THSD7A: variants seen among roughly 807,000 people sequenced by gnomAD.
THSD7A encodes the protein thrombospondin type-1 domain-containing protein 7A.
In THSD7A, 96 loss-of-function variants were observed where a neutral mutation model predicts 231.3. The observed-to-expected ratio is 0.41, with a 90% CI of 0.35 to 0.49. The LOEUF (loss-of-function observed/expected upper bound fraction) is 0.49. Among genes scored for constraint, THSD7A ranks in the 20% least tolerant of loss-of-function variants. THSD7A has a pLI of 0.05. For missense variants in THSD7A, 2,290 were observed against 2,070.2 expected (o/e 1.11, Z -2.06); for synonymous variants, 940 against 743.3 (o/e 1.26, Z -4.30).
At chr7:11,568,490 T>TG (rs976387745) in intron 4 of THSD7A, among the ~76,000 whole-genome samples, 31 of 151,680 alleles carry the variant, frequency 2.0e-4, no homozygotes, top group African/African-American at 7.5e-4. Flanking sequence ...CCAGGTGTGG[T>TG]GGCAGGTGCC....
chr7:11,726,896 C>T (rs1781565926), intron 1 of THSD7A, among the ~76,000 whole-genome samples: 1 of 151,858 alleles, frequency 6.6e-6, no homozygotes, highest in African/African-American at 2.4e-5. Context: ...AAGAATAATT[C>T]CTCAGGTCCT....
intron 1 of THSD7A, among the ~76,000 whole-genome samples, chr7:11,753,165 G>GA (rs1286876435): frequency 1.3e-5 from 2 of 152,082 alleles, no homozygotes; most frequent in South Asian, 2.1e-4. Context: ...TTCAATTACA[G>GA]AAAAAATTAA....
chr7:11,825,073 T>C (rs1378618161), intron 1 of THSD7A, among the ~76,000 whole-genome samples: 6 of 152,122 alleles, frequency 3.9e-5, no homozygotes, highest in Non-Finnish European at 5.9e-5. Context: ...TTTTTGTCTT[T>C]CATGCTGTCC....
chr7:11,790,352 G>A (rs1410756242), intron 1 of THSD7A, among the ~76,000 whole-genome samples: 1 of 151,896 alleles, frequency 6.6e-6, no homozygotes, highest in African/African-American at 2.4e-5. Context: ...AAATGAATAT[G>A]AGCAATTGTA....
chr7:11,375,727 G>T lies in THSD7A; in HGVS notation c.*67C>A, dbSNP rs1782242530. 4 of 1,279,760 alleles carry T rather than the reference G, an allele frequency of 3.1e-6. No individual in the cohort carries two copies. The highest frequency in any genetic ancestry group is 1.5e-5 in the African/African-American group (1 of 67,180). The allele number at this position is 1,279,760 out of a possible 1,614,324, so 79.3% of individuals were successfully genotyped here. On this transcript the variant is annotated 3_prime_UTR_variant, in exon 28 of 28. Coordinates refer to ENST00000423059, the MANE Select transcript of THSD7A (RefSeq NM_015204.3). ...TAATCCACACAGTTTGGATACATTT[G>T]TTGTGGCCTCTGGACATCTATGAAG...
chr7:11,680,282 T>C (rs531347843), intron 1 of THSD7A, among the ~76,000 whole-genome samples: 1 of 152,222 alleles, frequency 6.6e-6, no homozygotes, highest in African/African-American at 2.4e-5. Context: ...ATTCAGTACA[T>C]AGGCATGGGC....
intron 1 of THSD7A, among the ~76,000 whole-genome samples, chr7:11,705,935 T>C (rs1394336096): frequency 1.3e-5 from 2 of 150,942 alleles, no homozygotes; most frequent in African/African-American, 4.8e-5. Flanking sequence ...GCATATAATA[T>C]GTTATAACAA....
chr7:11,546,197 C>CGCGTGTGTGT (rs1554335266), intron 4 of THSD7A, among the ~76,000 whole-genome samples: 8 of 78,422 alleles, frequency 1.0e-4, no homozygotes, highest in African/African-American at 5.5e-4. Flanking sequence ...CTGGTGTGGG[C>CGCGTGTGTGT]GCGCGCTCAC....
rs1019386994 is a variant in THSD7A, at chr7:11,428,929, G to A, written c.3243+18C>T. ...TGAATCTCAACAATATCTTAACACT[G>A]TCAATGATAGAAAATACCTGGTTGA... On this transcript the variant is annotated intron_variant, in intron 14 of 27. Transcript: ENST00000423059. The A allele has an allele frequency of 1.3e-6, 2 of 1,596,764 alleles. No homozygotes were observed.
intron 1 of THSD7A, among the ~76,000 whole-genome samples, chr7:11,731,722 T>A (rs550621805): frequency 3.3e-5 from 5 of 151,742 alleles, no homozygotes; most frequent in Admixed American, 6.6e-5. Flanking sequence ...GTTGAAATGA[T>A]GGAGGAAATC....
intron 23 of THSD7A, 99 bp downstream of exon 23, chr7:11,401,696 G>A (rs913811622): frequency 8.7e-7 from 1 of 1,145,298 alleles, no homozygotes. Flanking sequence ...ACAGGCGTGA[G>A]CCACCGCACG....
chr7:11,388,096 A>G (rs2115319923), intron 23 of THSD7A, among the ~76,000 whole-genome samples: 1 of 152,074 alleles, frequency 6.6e-6, no homozygotes, highest in Non-Finnish European at 1.5e-5. Context: ...TACTGGATTC[A>G]GTTTGCCAGT....
intron 1 of THSD7A, among the ~76,000 whole-genome samples, chr7:11,822,106 G>A (rs990591207): frequency 6.6e-6 from 1 of 152,098 alleles, no homozygotes; most frequent in Non-Finnish European, 1.5e-5. Context: ...TGCATAGGTT[G>A]CATAGTGATC....
chr7:11,652,385 G>A (rs1018658520), intron 1 of THSD7A, among the ~76,000 whole-genome samples: 1 of 151,936 alleles, frequency 6.6e-6, no homozygotes, highest in Non-Finnish European at 1.5e-5. Context: ...TAAAACGCAT[G>A]ACTTATTTAC....
At chr7:11,660,832 GA>G (rs1782898883) in intron 1 of THSD7A, among the ~76,000 whole-genome samples, 2 of 151,590 alleles carry the variant, frequency 1.3e-5, no homozygotes, top group South Asian at 4.1e-4. Flanking sequence ...TAGCTTGTAT[GA>G]GACCAAACGT....
chr7:11,400,095 G>A lies in THSD7A; in HGVS notation c.4411+1700C>T, dbSNP rs1783343839. Among the ~76,000 whole-genome samples the A allele has an allele frequency of 2.7e-5, 4 of 149,432 alleles. No individual in the cohort carries two copies. The South Asian group carries it at 8.5e-4, about 32-fold the overall frequency. ...CAAACACCGCATGTTCTCACTCATA[G>A]GTGGGAATTGAACAATGAAAACACT... On this transcript the variant is annotated intron_variant, in intron 23 of 27. Coordinates refer to ENST00000423059, the MANE Select transcript of THSD7A (RefSeq NM_015204.3).
intron 1 of THSD7A, among the ~76,000 whole-genome samples, chr7:11,764,943 G>T (rs1258510813): frequency 6.6e-6 from 1 of 152,052 alleles, no homozygotes; most frequent in African/African-American, 2.4e-5. Flanking sequence ...AGTAGAAATG[G>T]TTTAAAATCT....
At chr7:11,389,567 T>C (rs1782901801) in intron 23 of THSD7A, among the ~76,000 whole-genome samples, 1 of 151,836 alleles carries the variant, frequency 6.6e-6, no homozygotes, top group Non-Finnish European at 1.5e-5. Context: ...GTCTTGACTC[T>C]TTATCCAATT....
intron 6 of THSD7A, among the ~76,000 whole-genome samples, chr7:11,500,323 T>C (rs1025227797): frequency 6.6e-6 from 1 of 152,116 alleles, no homozygotes; most frequent in African/African-American, 2.4e-5. Flanking sequence ...GAGCACTAAA[T>C]ATAGACAGGA....
Sources: allele counts gnomAD v4.1 joint callset (sites outside exome capture counted in the v4.1 genomes callset), GRCh38; gene constraint gnomAD v4.1.1; transcripts MANE v1.5; gene names NCBI Gene and HGNC (gene_info 2026-07-23, HGNC 2026-07-21).